COL21A1: variants seen among roughly 807,000 people sequenced by gnomAD.
The protein encoded by COL21A1 is collagen type XXI alpha 1 chain.
In COL21A1, 149 loss-of-function variants were observed where a neutral mutation model predicts 137.9. That is an observed-to-expected ratio of 1.08 (90% CI 0.95 to 1.24). The LOEUF (loss-of-function observed/expected upper bound fraction) is 1.24, where lower values mean the gene tolerates loss of function less well. Ranked by LOEUF, COL21A1 falls within the 50% of genes most tolerant of loss-of-function variation. The probability of loss-of-function intolerance (pLI) is 0.00; values close to 1 mark genes in which losing one functional copy is unlikely to be tolerated. For synonymous variants in COL21A1, 456 were observed against 391.5 expected (o/e 1.16, Z -1.95); for missense variants, 1,167 against 1,158.4 (o/e 1.01, Z -0.11).
Position 56,061,658 on chromosome 6 carries a change from T to G in COL21A1, c.2196A>C (p.Ala732=). The part of the protein sequence containing the change: ...GQQGIQGHHG[A]KGERGEKGEP... ...ATATGAAGAAACATACCTCTCCTTT[T>G]GCACCATGATGGCCTTGAATTCCCT... The change falls in exon 25 of 30, where the codon GCA becomes GCC. Residue 732 remains alanine (A), a synonymous_variant. Coordinates refer to ENST00000244728, the MANE Select transcript of COL21A1 (RefSeq NM_030820.4). 1 of 1,589,124 alleles carries G rather than the reference T, an allele frequency of 6.3e-7. No individual in the cohort carries two copies. The highest frequency in any genetic ancestry group is 1.1e-5 in the South Asian group (1 of 88,270).
intron 1 of COL21A1, among the ~76,000 whole-genome samples, chr6:56,233,013 G>A (rs140328992): frequency 2.1e-3 from 314 of 151,886 alleles, no homozygotes; most frequent in African/African-American, 7.1e-3. Context: ...GACAGAGGTA[G>A]GTGCCTTTCA....
At chr6:56,234,933 C>G (rs1781807698) in intron 1 of COL21A1, among the ~76,000 whole-genome samples, 1 of 151,614 alleles carries the variant, frequency 6.6e-6, no homozygotes, top group Admixed American at 6.6e-5. Context: ...TTCCCCTGCT[C>G]CAGTGATTGC....
upstream of COL21A1, among the ~76,000 whole-genome samples, chr6:56,249,828 C>A (rs1038565356): frequency 3.3e-5 from 5 of 152,166 alleles, no homozygotes; most frequent in Non-Finnish European, 7.3e-5. Flanking sequence ...ATACTAAAAA[C>A]TACTGAATTG....
intron 16 of COL21A1, among the ~76,000 whole-genome samples, chr6:56,107,923 TAAAC>T (rs954119489): frequency 6.6e-5 from 10 of 151,712 alleles, no homozygotes; most frequent in Non-Finnish European, 1.2e-4. Flanking sequence ...AAGGTAGAAA[TAAAC>T]AAGAAGAAAA....
At chr6:56,182,227 GCTTT>G (rs772463191) in intron 2 of COL21A1, among the ~76,000 whole-genome samples, 1 of 152,076 alleles carries the variant, frequency 6.6e-6, no homozygotes, top group Non-Finnish European at 1.5e-5. Flanking sequence ...AATCTAGAAG[GCTTT>G]CTTTATCTTC....
chr6:56,260,653 A>AGAGAGAGAGAG (rs1562028875), intron 1 of COL21A1, among the ~76,000 whole-genome samples: 1 of 42,542 alleles, frequency 2.4e-5, no homozygotes, highest in Non-Finnish European at 5.8e-5. Flanking sequence ...GGAAGGAAGG[A>AGAGAGAGAGAG]AGGAATGAAG....
At chr6:56,304,889 T>A in intron 1 of COL21A1, among the ~76,000 whole-genome samples, 1 of 152,224 alleles carries the variant, frequency 6.6e-6, no homozygotes, top group South Asian at 2.1e-4. Flanking sequence ...AATTTCCCTC[T>A]ACACACTGCT....
intron 1 of COL21A1, among the ~76,000 whole-genome samples, chr6:56,197,990 G>A (rs533193669): frequency 3.3e-4 from 50 of 151,918 alleles, no homozygotes; most frequent in African/African-American, 1.1e-3. Flanking sequence ...AAGAAACTGG[G>A]GTGTGTGTAC....
At chr6:56,249,992 A>G (rs1782817334), upstream of COL21A1, among the ~76,000 whole-genome samples, 1 of 152,242 alleles carries the variant, frequency 6.6e-6, no homozygotes, top group African/African-American at 2.4e-5. Context: ...ACTGGTTTTA[A>G]CTGAACTGTA....
intron 1 of COL21A1, among the ~76,000 whole-genome samples, chr6:56,378,819 T>C (rs1312344930): frequency 6.6e-6 from 1 of 152,208 alleles, no homozygotes. Flanking sequence ...ACAGTCATAG[T>C]GGTGGTGGCC....
In COL21A1 at chr6:56,124,738, T is replaced by C. The variant is rs568674418; in HGVS notation, c.1651-446A>G. 1.1e-4 allele frequency among the ~76,000 whole-genome samples: 17 copies of C among 152,066 alleles called. No individual in the cohort carries two copies. In the East Asian group the frequency reaches 3.3e-3, roughly 30 times the overall value. On this transcript the variant is annotated intron_variant, in intron 14 of 29. Transcript: ENST00000244728. ...CTCACTGCAAGCTCCGCCTCCCGGGTTCACGCCATTCTCCTGCCTCAGGCT... is the reference window on the plus strand; with the variant it reads ...CTCACTGCAAGCTCCGCCTCCCGGGCTCACGCCATTCTCCTGCCTCAGGCT...
chr6:56,267,857 C>A (rs1454212194), intron 1 of COL21A1, among the ~76,000 whole-genome samples: 2 of 151,794 alleles, frequency 1.3e-5, no homozygotes, highest in African/African-American at 4.8e-5. Context: ...CTAGATGCAG[C>A]CAGAAAGCAC....
chr6:56,389,463 A>C (rs2094024896), intron 1 of COL21A1, among the ~76,000 whole-genome samples: 1 of 152,148 alleles, frequency 6.6e-6, no homozygotes, highest in Non-Finnish European at 1.5e-5. Flanking sequence ...TGACAGATCT[A>C]AGAGTTACTG....
chr6:56,358,820 A>G (rs913689960), intron 1 of COL21A1, among the ~76,000 whole-genome samples: 25 of 152,156 alleles, frequency 1.6e-4, no homozygotes, highest in African/African-American at 5.5e-4. Flanking sequence ...AATATTTTAA[A>G]TTGCATGAAA....
chr6:56,362,907 C>G (rs890149151), intron 1 of COL21A1, among the ~76,000 whole-genome samples: 1 of 152,114 alleles, frequency 6.6e-6, no homozygotes, highest in African/African-American at 2.4e-5. Flanking sequence ...CTACCCCCCA[C>G]GCCCACATTG....
chr6:56,293,534 A>G (rs538450197), intron 1 of COL21A1, among the ~76,000 whole-genome samples: 1 of 152,256 alleles, frequency 6.6e-6, no homozygotes, highest in South Asian at 2.1e-4. Context: ...CCTAGTGTCC[A>G]GTATTAAAAG....
At chr6:56,271,521 G>T (rs1024188736) in intron 1 of COL21A1, among the ~76,000 whole-genome samples, 1 of 152,190 alleles carries the variant, frequency 6.6e-6, no homozygotes, top group Non-Finnish European at 1.5e-5. Context: ...TTTGCAGCCC[G>T]ACTATGTGGT....
intron 7 of COL21A1, chr6:56,166,702 A>T: frequency 1.5e-6 from 1 of 655,542 alleles, no homozygotes; most frequent in South Asian, 1.7e-5. Flanking sequence ...TCTTTCATTC[A>T]TACTTGCACA....
intron 1 of COL21A1, among the ~76,000 whole-genome samples, chr6:56,347,046 C>A (rs1426750409): frequency 6.6e-6 from 1 of 152,162 alleles, no homozygotes; most frequent in Non-Finnish European, 1.5e-5. Context: ...TCTACCACAA[C>A]TTCTGCATTG....
Sources: gnomAD v4.1 joint callset for allele counts (sites outside exome capture counted in the v4.1 genomes callset) on GRCh38, gnomAD v4.1.1 for gene constraint, MANE v1.5 for transcripts, NCBI Gene and HGNC (gene_info 2026-07-23, HGNC 2026-07-21) for gene names.